The following TBC1D10A variants were observed in gnomAD, a reference collection of about 807,000 sequenced individuals.
TBC1D10A encodes EBP50-PDX interactor of 64 kDa.
In TBC1D10A, 24 loss-of-function variants were observed where a neutral mutation model predicts 52.9. That is an observed-to-expected ratio of 0.45 (90% CI 0.33 to 0.64). The LOEUF (loss-of-function observed/expected upper bound fraction) is 0.64. TBC1D10A is among the 30% of genes least tolerant of loss of function. TBC1D10A has a pLI of 0.02. For missense variants in TBC1D10A, 602 were observed against 687.9 expected (o/e 0.88, Z 1.40); for synonymous variants, 278 against 282.9 (o/e 0.98, Z 0.17).
At chr22:30,305,478 A>C (rs981018344) in intron 1 of TBC1D10A, 1 of 152,300 alleles carries the variant, frequency 6.6e-6, no homozygotes, top group African/African-American at 2.4e-5. Context: ...GATACTCAGG[A>C]AAGGTATCTT....
At chr22:30,317,132 G>A (rs1240675051) in intron 1 of TBC1D10A, among the ~76,000 whole-genome samples, 3 of 152,206 alleles carry the variant, frequency 2.0e-5, no homozygotes, top group Non-Finnish European at 2.9e-5. Flanking sequence ...CTTTTGACCG[G>A]CATGGTGGCT....
chr22:30,326,872 T>C lies in TBC1D10A; in HGVS notation c.10A>G (p.Ser4Gly). The C allele has an allele frequency of 2.0e-6, 3 of 1,501,520 alleles. No individual in the cohort carries two copies. Among genetic ancestry groups the C allele is most frequent in the Non-Finnish European group, 2.6e-6 (3 of 1,134,740 alleles). The allele number at this position is 1,501,520 out of a possible 1,614,324, so 93.0% of individuals were successfully genotyped here. A position where few individuals can be genotyped will look rare whatever the true frequency, so the allele number is the denominator to read the frequency against. Residue 4 changes from serine (S) to glycine (G), a missense_variant, in exon 1 of 9, where the codon AGC (serine) becomes GGC (glycine). By Grantham distance (56) the Ser-to-Gly change is moderately conservative. Around this residue, in one of 3 missense-constraint regions of TBC1D10A, gnomAD observed 201 missense variants for 204.4 expected, o/e 0.98. Coordinates refer to ENST00000215790, the MANE Select transcript of TBC1D10A (RefSeq NM_031937.3). The stretch of plus-strand genomic sequence containing the variant: ...GCGCGCGGCCCATTCTCTCCGTTGC[T>C]CTTCGCCATCCCAGCCGCGCCCGCC... MAK[S>G]NGENGPRAPA... is the part of the protein sequence containing the mutation.
intron 8 of TBC1D10A, chr22:30,293,096 C>G: frequency 1.6e-6 from 1 of 620,368 alleles, no homozygotes; most frequent in South Asian, 2.0e-5. Context: ...CACGAGTCCA[C>G]CTGCCTGACT....
intron 2 of TBC1D10A, 75 bp downstream of exon 2, chr22:30,304,456 A>G: frequency 6.2e-7 from 1 of 1,600,506 alleles, no homozygotes; most frequent in East Asian, 2.3e-5. Context: ...TCCTAAGCTG[A>G]TGAAGTTCCT....
chr22:30,293,374 C>T (rs1036440671), intron 8 of TBC1D10A: 16 of 686,576 alleles, frequency 2.3e-5, no homozygotes, highest in East Asian at 8.8e-5. Context: ...GCCAAGGCTG[C>T]GAATGGGGTA....
chr22:30,326,925 G>T lies in TBC1D10A; in HGVS notation c.-44C>A. ...CTGAGCTCCAGCGGCCACCTCAGCC[G>T]CCCTGCTGCCGCCGACGCCCCGCCC... On this transcript the variant is annotated 5_prime_UTR_variant, in exon 1 of 9. Coordinates refer to ENST00000215790, the MANE Select transcript of TBC1D10A (RefSeq NM_031937.3). 2 of 1,387,094 alleles carry T rather than the reference G, an allele frequency of 1.4e-6. No individual in the cohort carries two copies. The highest frequency in any genetic ancestry group is 1.5e-5 in the African/African-American group (1 of 65,904). 85.9% of individuals were successfully genotyped at this position (1,387,094 alleles called of 1,614,324 possible).
intron 1 of TBC1D10A, among the ~76,000 whole-genome samples, chr22:30,307,181 A>T (rs1487824770): frequency 6.6e-6 from 1 of 152,192 alleles, no homozygotes; most frequent in Non-Finnish European, 1.5e-5. Flanking sequence ...CTGACAGTGG[A>T]GAGGGCAGGA....
intron 2 of TBC1D10A, among the ~76,000 whole-genome samples, chr22:30,304,012 C>A (rs1930260235): frequency 6.6e-6 from 1 of 152,180 alleles, no homozygotes; most frequent in Non-Finnish European, 1.5e-5. Flanking sequence ...GTAAAGAAGG[C>A]CTCGTACTGT....
rs1930099240 is a variant in TBC1D10A at position 30,297,184 on chromosome 22, G to C, written c.418-1341C>G. The stretch of plus-strand genomic sequence containing the variant: ...AGAGGAGCGGCTGACAGAGTGTTCA[G>C]GGCTGGAGGGGACAGGGAGGGGCTG... On this transcript the variant is annotated intron_variant, in intron 3 of 8. Transcript: ENST00000215790. The surrounding 1 kb of genome is among the most constrained non-coding windows in gnomAD (Gnocchi z 4.3). 1 of 152,548 alleles carries C rather than the reference G, an allele frequency of 6.6e-6. No individual in the cohort carries two copies. The highest frequency in any genetic ancestry group is 2.4e-5 in the African/African-American group (1 of 41,482). The allele number at this position is 152,548 out of a possible 1,614,324, so 9.4% of individuals were successfully genotyped here.
intron 2 of TBC1D10A, among the ~76,000 whole-genome samples, chr22:30,302,928 AAC>A (rs1930232116): frequency 6.6e-6 from 1 of 152,240 alleles, no homozygotes; most frequent in South Asian, 2.1e-4. Flanking sequence ...GAGGCAGGGA[AAC>A]AGAGCCAGAG....
At chr22:30,314,120 G>A (rs1930485643) in intron 1 of TBC1D10A, among the ~76,000 whole-genome samples, 1 of 152,150 alleles carries the variant, frequency 6.6e-6, no homozygotes, top group Admixed American at 6.5e-5. Flanking sequence ...AGGTTCTTCA[G>A]AAAGACAATA....
intron 2 of TBC1D10A, among the ~76,000 whole-genome samples, chr22:30,300,094 C>G (rs1930170259): frequency 6.6e-6 from 1 of 152,072 alleles, no homozygotes; most frequent in Non-Finnish European, 1.5e-5. Context: ...GGTGACAACA[C>G]AGGCATTCCT....
intron 6 of TBC1D10A, 118 bp from the exon 7 acceptor site, chr22:30,294,228 G>T: frequency 8.7e-7 from 1 of 1,144,998 alleles, no homozygotes; most frequent in Non-Finnish European, 1.2e-6. Context: ...CCGCCTGCAG[G>T]GTGTCTGCCT....
chr22:30,299,188 A>T (rs1285979966), intron 3 of TBC1D10A: 1 of 426,124 alleles, frequency 2.3e-6, no homozygotes, highest in Non-Finnish European at 4.3e-6. Context: ...GAGCTGGAAT[A>T]GGGGGTACCA....
At chr22:30,300,468 A>T (rs895874075) in intron 2 of TBC1D10A, 8 of 147,182 alleles carry the variant, frequency 5.4e-5, no homozygotes, top group African/African-American at 2.0e-4. Context: ...AAAAAAAAAA[A>T]GGAAAAGGAA....
intron 1 of TBC1D10A, among the ~76,000 whole-genome samples, chr22:30,323,292 C>T (rs974813243): frequency 1.6e-4 from 24 of 152,204 alleles, no homozygotes; most frequent in African/African-American, 5.5e-4. Flanking sequence ...GTGAATGAGC[C>T]TCTTCCCAGT....
intron 2 of TBC1D10A, among the ~76,000 whole-genome samples, chr22:30,300,037 G>A (rs1288749281): frequency 6.6e-6 from 1 of 151,982 alleles, no homozygotes; most frequent in Non-Finnish European, 1.5e-5. Flanking sequence ...GGAGGTGCCT[G>A]CAATTAGATA....
At chr22:30,316,799 G>A (rs964660119) in intron 1 of TBC1D10A, among the ~76,000 whole-genome samples, 2 of 152,096 alleles carry the variant, frequency 1.3e-5, no homozygotes, top group African/African-American at 4.8e-5. Context: ...AGCACTTTGG[G>A]AGGCTGAGGA....
chr22:30,298,063 GCACAGCTCTACACACACATGCA>G, intron 3 of TBC1D10A: 1 of 152,080 alleles, frequency 6.6e-6, no homozygotes, highest in African/African-American at 2.4e-5. Context: ...TTCTCTGGAA[GCACAGCTCTACACACACATGCA>G]CACAGCTCTG....
Sources: gnomAD v4.1 joint callset for allele counts (sites outside exome capture counted in the v4.1 genomes callset) on GRCh38, gnomAD v4.1.1 for gene constraint, gnomAD v4.1.1 regional missense constraint, Gnocchi (gnomAD v3.1) non-coding constraint, MANE v1.5 for transcripts, NCBI Gene and HGNC (gene_info 2026-07-23, HGNC 2026-07-21) for gene names.